The following PCSK5 variants were observed in gnomAD, a reference collection of about 807,000 sequenced individuals.
PCSK5 encodes the protein proprotein convertase subtilisin/kexin type 5.
Under a neutral mutation model 233.2 loss-of-function variants are expected in PCSK5, and 129 were observed. That is an observed-to-expected ratio of 0.55 (90% CI 0.48 to 0.64). PCSK5 has a LOEUF of 0.64. Ranked by LOEUF, PCSK5 falls within the 30% of genes least tolerant of loss-of-function variation. PCSK5 has a pLI of 0.00. For synonymous variants in PCSK5, 825 were observed against 879.2 expected (o/e 0.94, Z 1.09); for missense variants, 2,076 against 2,430.1 (o/e 0.85, Z 3.06).
intron 37 of PCSK5, among the ~76,000 whole-genome samples, chr9:76,358,272 A>G (rs1369420617): frequency 6.6e-6 from 1 of 152,106 alleles, no homozygotes; most frequent in Non-Finnish European, 1.5e-5. Context: ...CTGGGAGACC[A>G]AGGTGGGAGG....
At chr9:76,278,867 C>A (rs1188102876) in intron 24 of PCSK5, among the ~76,000 whole-genome samples, 1 of 152,088 alleles carries the variant, frequency 6.6e-6, no homozygotes. Context: ...AGTGAACAGG[C>A]ATATCTCATT....
At chr9:76,096,785 G>C (rs535880141) in intron 8 of PCSK5, among the ~76,000 whole-genome samples, 1 of 152,038 alleles carries the variant, frequency 6.6e-6, no homozygotes, top group East Asian at 1.9e-4. Context: ...TATTTTAGTA[G>C]AGACAGGGTT....
intron 24 of PCSK5, among the ~76,000 whole-genome samples, chr9:76,265,791 A>C (rs1463386442): frequency 2.0e-5 from 3 of 152,200 alleles, no homozygotes; most frequent in Non-Finnish European, 4.4e-5. Context: ...CAAGTGGGTG[A>C]CCACCTTCTA....
chr9:76,220,526 C>CAAAAAAAA (rs57063521), intron 20 of PCSK5, among the ~76,000 whole-genome samples: 3 of 100,518 alleles, frequency 3.0e-5, no homozygotes, highest in Admixed American at 1.1e-4. Flanking sequence ...GACTCTGTCT[C>CAAAAAAAA]AAAAAAAAAA....
chr9:76,259,527 T>C (rs143106392), intron 24 of PCSK5, among the ~76,000 whole-genome samples: 7 of 151,950 alleles, frequency 4.6e-5, no homozygotes, highest in Admixed American at 4.6e-4. Context: ...GCAGATCAGA[T>C]ATAAGTATCT....
chr9:76,056,484 C>T (rs979825271), intron 5 of PCSK5, among the ~76,000 whole-genome samples: 1 of 152,208 alleles, frequency 6.6e-6, no homozygotes, highest in African/African-American at 2.4e-5. Context: ...ACACTCACTT[C>T]ACCTAATTTG....
chr9:76,202,508 G>T (rs903714624), intron 20 of PCSK5, among the ~76,000 whole-genome samples: 18 of 152,214 alleles, frequency 1.2e-4, no homozygotes, highest in Admixed American at 1.1e-3. Flanking sequence ...GAAGGCCAGG[G>T]TCAATCTGAC....
chr9:75,964,632 G>A (rs1308562578), intron 2 of PCSK5, among the ~76,000 whole-genome samples: 1 of 152,202 alleles, frequency 6.6e-6, no homozygotes, highest in Non-Finnish European at 1.5e-5. Context: ...TACTAGGTGT[G>A]TGCATGTTGA....
Position 76,181,422 on chromosome 9 carries a change from T to C in PCSK5, c.2028T>C (p.Pro676=), listed in dbSNP as rs1456533580. The change falls in exon 16 of 38, where the codon CCT becomes CCC. Residue 676 remains proline, a synonymous_variant. Transcript: ENST00000674117. ...NTRICVSSCP[P]GHYHADKKRC... ...GGATCTGTGTCTCCAGCTGCCCCCC[T>C]GGCCACTACCACGCCGACAAGAAGC... The C allele has an allele frequency of 6.2e-7, 1 of 1,613,784 alleles. No individual in the cohort carries two copies. The highest frequency in any genetic ancestry group is 8.5e-7 in the Non-Finnish European group (1 of 1,179,820).
chr9:76,086,965 G>C (rs775271934), intron 7 of PCSK5, among the ~76,000 whole-genome samples: 3 of 152,142 alleles, frequency 2.0e-5, no homozygotes, highest in African/African-American at 4.8e-5. Context: ...TTGTATGAAA[G>C]CATATTTATT....
rs72388137 is a variant in PCSK5, at chr9:75,989,495, T to TA, written c.411+3263dup. 1.5e-3 allele frequency among the ~76,000 whole-genome samples: 225 copies of TA among 145,402 alleles called. 1 individual carries two copies. Among genetic ancestry groups the TA allele is most frequent in the Non-Finnish European group, 1.4e-3 (94 of 66,318 alleles). On this transcript the variant is annotated intron_variant, in intron 3 of 37. Coordinates refer to ENST00000674117, the MANE Select transcript of PCSK5 (RefSeq NM_001372043.1). Reference sequence around the variant, plus strand: ...GGTGACAGAATGAGACCCCCTCAAATAAAAAAAAAAAAACAATTATCTCAT... The same window carrying TA: ...GGTGACAGAATGAGACCCCCTCAAATAAAAAAAAAAAAAACAATTATCTCAT...
chr9:76,295,192 A>G (rs13283901), intron 25 of PCSK5, 83 bp from the exon 26 acceptor site: 514,707 of 1,207,068 alleles, frequency 0.43, 113,656 homozygotes, highest in African/African-American at 0.57. Flanking sequence ...AACTCTGCAT[A>G]GACATACATA....
intron 2 of PCSK5, among the ~76,000 whole-genome samples, chr9:75,934,445 G>A (rs538580797): frequency 2.0e-3 from 309 of 152,174 alleles, no homozygotes; most frequent in Non-Finnish European, 2.0e-3. Context: ...GTTAGCCTCC[G>A]GGATTTGGAG....
At chr9:76,046,189 T>TTTTTTTTTTTTG (rs1829382727) in intron 5 of PCSK5, among the ~76,000 whole-genome samples, 1 of 104,390 alleles carries the variant, frequency 9.6e-6, no homozygotes, top group Non-Finnish European at 1.9e-5. Flanking sequence ...TTTTTTTTTT[T>TTTTTTTTTTTTG]TTTTTTGAGA....
chr9:76,007,461 G>T (rs763920135), intron 3 of PCSK5, among the ~76,000 whole-genome samples: 1 of 152,040 alleles, frequency 6.6e-6, no homozygotes, highest in Non-Finnish European at 1.5e-5. Context: ...TGTAGAAAGA[G>T]GTGGGAATTT....
chr9:76,007,103 C>T (rs995383856), intron 3 of PCSK5, among the ~76,000 whole-genome samples: 3 of 152,196 alleles, frequency 2.0e-5, no homozygotes, highest in Admixed American at 6.5e-5. Context: ...CTCTCTCAGA[C>T]ACCTTGTAAT....
At chr9:75,965,832 G>A (rs2131353699) in intron 2 of PCSK5, among the ~76,000 whole-genome samples, 1 of 152,250 alleles carries the variant, frequency 6.6e-6, no homozygotes, top group Non-Finnish European at 1.5e-5. Context: ...TGCTTTTTCA[G>A]TCACTGATTC....
At position 76,103,201 on chromosome 9, in the gene PCSK5, A is replaced by T. The variant is rs368357623; in HGVS notation, c.1108-4050A>T. Among the ~76,000 whole-genome samples, 7 of 152,318 alleles carry T rather than the reference A, an allele frequency of 4.6e-5. No homozygotes were observed. The South Asian group carries it at 6.2e-4, about 14-fold the overall frequency. On this transcript the variant is annotated intron_variant, in intron 8 of 37. Transcript: ENST00000674117. The stretch of plus-strand genomic sequence containing the variant: ...TTAGTCATTGACACATTTAAAATTT[A>T]GTTTCTGCCCTTCTCCCCCATAGCT...
intron 24 of PCSK5, among the ~76,000 whole-genome samples, chr9:76,258,271 T>C (rs1400692435): frequency 1.3e-5 from 2 of 152,192 alleles, no homozygotes; most frequent in African/African-American, 4.8e-5. Context: ...AAATAATTGC[T>C]AGTAACCTGG....
Sources: gnomAD v4.1 joint callset for allele counts (sites outside exome capture counted in the v4.1 genomes callset) on GRCh38, gnomAD v4.1.1 for gene constraint, MANE v1.5 for transcripts, NCBI Gene and HGNC (gene_info 2026-07-23, HGNC 2026-07-21) for gene names.